SLC38A10: variants seen among roughly 807,000 people sequenced by gnomAD.
SLC38A10 encodes solute carrier family 38 member 10, also known as Sodium-coupled neutral amino acid transporter 10.
SLC38A10 carries 53 observed loss-of-function variants against 81.0 expected under a neutral mutation model. The observed-to-expected ratio is 0.65, with a 90% CI of 0.53 to 0.82. The LOEUF is 0.82. Among genes scored for constraint, SLC38A10 ranks in the 40% least tolerant of loss-of-function variants. The pLI is 0.00. For synonymous variants in SLC38A10, 665 were observed against 655.3 expected, an observed-to-expected ratio of 1.01 and a Z score of -0.23; for missense variants, 1,471 against 1,545.0, an observed-to-expected ratio of 0.95 and a Z score of 0.80.
rs919360696 is a variant in SLC38A10, at chr17:81,289,343, G to GT, written c.217+347dup. On this transcript the variant is annotated intron_variant, in intron 2 of 15. Transcript: ENST00000374759. The surrounding 1 kb of genome is among the most constrained non-coding windows in gnomAD (Gnocchi z 5.9). Reference sequence around the variant, plus strand: ...AGGCACGAGCCACCACGCCCGGCAGGTTTTTTTTTTAACTGCATTTTTTTT... The same window carrying GT: ...AGGCACGAGCCACCACGCCCGGCAGGTTTTTTTTTTTAACTGCATTTTTTTT... Among the ~76,000 whole-genome samples, 598 of 148,302 alleles carry GT rather than the reference G, an allele frequency of 4.0e-3. 5 individuals carry two copies. The highest frequency in any genetic ancestry group is 0.014 in the African/African-American group (566 of 40,450).
rs1276610386 is a variant in SLC38A10 at position 81,251,538 on chromosome 17, C to A, written c.2020G>T (p.Asp674Tyr). ...TGGTTTCCACCCGCTCGCTCCACGT[C>A]CCTCTGCTCGCGAGGCTCGGGCGGC... ...GLPPEPREQR[D>Y]VERAGGNQAA... Residue 674 changes from aspartate (D) to tyrosine (Y), a missense_variant, in exon 14 of 16, where the codon GAC becomes TAC. Physicochemically the swap from Asp to Tyr is radical, Grantham distance 160. Around this residue, in one of 2 missense-constraint regions of SLC38A10, gnomAD observed 751 missense variants for 717.4 expected, o/e 1.05. Transcript: ENST00000374759. 1.3e-6 allele frequency: 2 copies of A among 1,553,788 alleles called. No homozygotes were observed. Among genetic ancestry groups the A allele is most frequent in the Non-Finnish European group, 1.7e-6 (2 of 1,154,514 alleles).
chr17:81,265,489 GGAACATTCC>G lies in SLC38A10; in HGVS notation c.1132-5104_1132-5096del, dbSNP rs2063062051. ...CTGGTTGATCTTCTGAGGACGAGCT[GGAACATTCC>G]TTCTTTTTCACGTCTTTCTCCAGCA... On this transcript the variant is annotated intron_variant, in intron 10 of 15. Coordinates refer to ENST00000374759, the MANE Select transcript of SLC38A10 (RefSeq NM_001037984.3). This position sits in a 1 kb window ranked among gnomAD's most constrained non-coding sequence, Gnocchi z 4.2. 1 of 152,276 alleles carries G rather than the reference GGAACATTCC, an allele frequency of 6.6e-6. No individual in the cohort carries two copies. Among genetic ancestry groups the G allele is most frequent in the Non-Finnish European group, 1.5e-5 (1 of 68,056 alleles). 9.4% of individuals were successfully genotyped at this position (152,276 alleles called of 1,614,324 possible).
rs773221283 is a variant in SLC38A10 at position 81,246,111 on chromosome 17, C to T, written c.2805G>A (p.Leu935=). 2 of 1,608,880 alleles carry T rather than the reference C, an allele frequency of 1.2e-6. No individual in the cohort carries two copies. The highest frequency in any genetic ancestry group is 2.2e-5 in the South Asian group (2 of 91,000). The change falls in exon 16 of 16, where the codon CTG becomes CTA. Residue 935 remains leucine, a synonymous_variant. Coordinates refer to ENST00000374759, the MANE Select transcript of SLC38A10 (RefSeq NM_001037984.3). ...RMKPKQVSRD[L]GLAADLPGGA... is the part of the protein sequence containing the mutation. The stretch of plus-strand genomic sequence containing the variant: ...CACCGGGCAGGTCCGCTGCAAGGCC[C>T]AGGTCTCGGCTCACTTGCTTGGGCT...
intron 14 of SLC38A10, among the ~76,000 whole-genome samples, chr17:81,248,290 G>A (rs2062873288): frequency 6.6e-6 from 1 of 152,176 alleles, no homozygotes; most frequent in African/African-American, 2.4e-5. Flanking sequence ...ATGGGAGCTG[G>A]AGCGTCAGTG....
Position 81,288,577 on chromosome 17 carries a change from G to C in SLC38A10, c.217+1114C>G, listed in dbSNP as rs188475910. On this transcript the variant is annotated intron_variant, in intron 2 of 15. Transcript: ENST00000374759. This position sits in a 1 kb window ranked among gnomAD's most constrained non-coding sequence, Gnocchi z 5.4. ...AGCCTGTGGGCAGACGGGAAGGTGA[G>C]GGATGGCGCCCTCGAAGACAAACAA... Among the ~76,000 whole-genome samples, 1 of 152,220 alleles carries C rather than the reference G, an allele frequency of 6.6e-6. No homozygotes were observed. Among genetic ancestry groups the C allele is most frequent in the Non-Finnish European group, 1.5e-5 (1 of 68,050 alleles).
At chr17:81,279,026 C>T (rs1441667880) in intron 6 of SLC38A10, among the ~76,000 whole-genome samples, 1 of 152,262 alleles carries the variant, frequency 6.6e-6, no homozygotes, top group African/African-American at 2.4e-5. Flanking sequence ...ATGCTGAGCG[C>T]TGGCCCATGG....
chr17:81,285,901 C>G (rs975019797), intron 2 of SLC38A10, among the ~76,000 whole-genome samples: 6 of 152,190 alleles, frequency 3.9e-5, no homozygotes, highest in African/African-American at 1.4e-4. Flanking sequence ...TTGCCAAACG[C>G]CAGAGCCCGG....
At position 81,275,986 on chromosome 17, in the gene SLC38A10, G is replaced by T. The variant is rs1312246086; in HGVS notation, c.895C>A (p.Leu299Met). 1 of 1,613,500 alleles carries T rather than the reference G, an allele frequency of 6.2e-7. No individual in the cohort carries two copies. The highest frequency in any genetic ancestry group is 1.3e-5 in the African/African-American group (1 of 74,938). Reference protein sequence around the residue: ...ILPCRQALSTLLCEQQQKDGT... With the variant: ...ILPCRQALSTMLCEQQQKDGT... ...GGTCTTACCTGCTGCTCACACAGCA[G>T]CGTGCTCAGGGCCTGCCTGCATGGC... Residue 299 changes from leucine to methionine, a missense_variant, in exon 8 of 16, where the codon CTG (leucine) becomes ATG (methionine). Coordinates refer to ENST00000374759, the MANE Select transcript of SLC38A10 (RefSeq NM_001037984.3).
At chr17:81,282,432 C>T (rs915552576) in intron 4 of SLC38A10, 100 bp from the exon 5 acceptor site, 39 of 1,478,274 alleles carry the variant, frequency 2.6e-5, no homozygotes, top group African/African-American at 4.2e-5. Flanking sequence ...GCCCGAAAGC[C>T]GACGGCATCC....
intron 11 of SLC38A10, among the ~76,000 whole-genome samples, chr17:81,258,371 G>A (rs554825494): frequency 6.6e-6 from 1 of 152,260 alleles, no homozygotes; most frequent in Non-Finnish European, 1.5e-5. Flanking sequence ...TTCTGAGAGG[G>A]GCCATGTGTT....
chr17:81,245,854 C>T lies in SLC38A10; in HGVS notation c.3062G>A (p.Gly1021Glu), dbSNP rs745530172. The change falls in exon 16 of 16, where the codon GGG becomes GAG. Residue 1021 changes from glycine to glutamate, a missense_variant. Gly to Glu is a moderately conservative substitution (Grantham distance 98). Transcript: ENST00000374759. Reference protein sequence around the residue: ...EPRQRPEPELGLKRAVPGGQR... With the variant: ...EPRQRPEPELELKRAVPGGQR... ...GCCCCCCGGGACAGCTCGTTTGAGC[C>T]CCAGCTCTGGCTCTGGCCTCTGCCT... The T allele has an allele frequency of 1.1e-5, 18 of 1,612,126 alleles. No homozygotes were observed. The highest frequency in any genetic ancestry group is 1.4e-5 in the Non-Finnish European group (17 of 1,179,614).
At chr17:81,251,946 C>T (rs1433337574) in intron 13 of SLC38A10, 2 of 601,200 alleles carry the variant, frequency 3.3e-6, no homozygotes, top group East Asian at 3.1e-5. Flanking sequence ...CCCAGACACA[C>T]GAGCACAGCG....
In SLC38A10 at chr17:81,277,001, G is replaced by A. The variant is rs561481363; in HGVS notation, c.729+30C>T. On this transcript the variant is annotated intron_variant, in intron 7 of 15. Transcript: ENST00000374759. This position sits in a 1 kb window ranked among gnomAD's most constrained non-coding sequence, Gnocchi z 4.5. ...CGGCACATCATGCTGGCATGACACAGGGGCGGAGAGGGCGTGGCAAGGCTC... is the reference window on the plus strand; with the variant it reads ...CGGCACATCATGCTGGCATGACACAAGGGCGGAGAGGGCGTGGCAAGGCTC... The A allele has an allele frequency of 6.2e-7, 1 of 1,600,870 alleles. No individual in the cohort carries two copies. The highest frequency in any genetic ancestry group is 2.2e-5 in the East Asian group (1 of 44,758).
At chr17:81,267,777 G>A (rs1406285158) in intron 10 of SLC38A10, among the ~76,000 whole-genome samples, 2 of 152,068 alleles carry the variant, frequency 1.3e-5, no homozygotes, top group African/African-American at 2.4e-5. Flanking sequence ...AAACAGCTCT[G>A]TCAGCTCAGA....
rs527364188 is a variant in SLC38A10 at position 81,283,756 on chromosome 17, C to G, written c.264-254G>C. Among the ~76,000 whole-genome samples, 4 of 151,764 alleles carry G rather than the reference C, an allele frequency of 2.6e-5. No homozygotes were observed. In the East Asian group the frequency reaches 7.8e-4, roughly 30 times the overall value. ...AGCCTCCCGAGTAGCTGGGAGTAGC[C>G]GAGTAGCCACGCCCGGCTAATTGTT... On this transcript the variant is annotated intron_variant, in intron 3 of 15. Transcript: ENST00000374759. The surrounding 1 kb of genome is among the most constrained non-coding windows in gnomAD (Gnocchi z 4.7).
chr17:81,255,936 C>T (rs575502227), intron 11 of SLC38A10, among the ~76,000 whole-genome samples: 1 of 152,276 alleles, frequency 6.6e-6, no homozygotes, highest in South Asian at 2.1e-4. Flanking sequence ...GAGCCAATAT[C>T]GTGCCACTGC....
rs558219040 is a variant in SLC38A10 at position 81,280,032 on chromosome 17, G to A, written c.626+577C>T. The stretch of plus-strand genomic sequence containing the variant: ...CCGATGGTCTTTTCCCGTCTGCGCC[G>A]GATTTACGCCTCTCTTTTCAGCCGG... On this transcript the variant is annotated intron_variant, in intron 6 of 15. Transcript: ENST00000374759. 26 of 395,670 alleles carry A rather than the reference G, an allele frequency of 6.6e-5. 1 individual carries two copies. Among genetic ancestry groups the A allele is most frequent in the East Asian group, 2.3e-4 (3 of 12,862 alleles). The allele number at this position is 395,670 out of a possible 1,614,324, so 24.5% of individuals were successfully genotyped here.
At chr17:81,284,546 G>C (rs755745985) in intron 3 of SLC38A10, among the ~76,000 whole-genome samples, 1 of 152,268 alleles carries the variant, frequency 6.6e-6, no homozygotes, top group Admixed American at 6.5e-5. Context: ...AGAAAAATAT[G>C]ACATTTGCAA....
Position 81,265,693 on chromosome 17 carries a change from G to A in SLC38A10, c.1131+5225C>T, listed in dbSNP as rs753144976. Among the ~76,000 whole-genome samples, 1 of 152,242 alleles carries A rather than the reference G, an allele frequency of 6.6e-6. No individual in the cohort carries two copies. The highest frequency in any genetic ancestry group is 1.5e-5 in the Non-Finnish European group (1 of 68,042). The stretch of plus-strand genomic sequence containing the variant: ...AGGCCTGTGCCCCTCCGTGGGCGCA[G>A]CCGGAGCCCCTGGGACAGTGGCCAC... On this transcript the variant is annotated intron_variant, in intron 10 of 15. Coordinates refer to ENST00000374759, the MANE Select transcript of SLC38A10 (RefSeq NM_001037984.3). The surrounding 1 kb of genome is among the most constrained non-coding windows in gnomAD (Gnocchi z 4.2).
Sources: allele counts gnomAD v4.1 joint callset (sites outside exome capture counted in the v4.1 genomes callset), GRCh38; gene constraint gnomAD v4.1.1; regional missense constraint gnomAD v4.1.1; non-coding constraint Gnocchi (gnomAD v3.1); transcripts MANE v1.5; gene names NCBI Gene and HGNC (gene_info 2026-07-23, HGNC 2026-07-21).